The following LRRC4C variants were observed in gnomAD, a reference collection of about 807,000 sequenced individuals.
LRRC4C encodes leucine rich repeat containing 4C, also known as leucine-rich repeat-containing protein 4C.
Under a neutral mutation model 33.6 loss-of-function variants are expected in LRRC4C, and 5 were observed. That is an observed-to-expected ratio of 0.15 (90% CI 0.08 to 0.31). The LOEUF is 0.31. Ranked by LOEUF, LRRC4C falls within the 10% of genes least tolerant of loss-of-function variation. The pLI is 1.00. For synonymous variants in LRRC4C, 329 were observed against 302.0 expected (o/e 1.09, Z -0.93); for missense variants, 560 against 796.7 (o/e 0.70, Z 3.58).
chr11:40,322,271 A>G (rs1945886971), intron 3 of LRRC4C, among the ~76,000 whole-genome samples: 1 of 151,942 alleles, frequency 6.6e-6, no homozygotes, highest in Non-Finnish European at 1.5e-5. Context: ...TCTGAGACAG[A>G]GTCTTACTCT....
At chr11:40,753,536 G>A (rs1326625963) in intron 2 of LRRC4C, among the ~76,000 whole-genome samples, 2 of 142,822 alleles carry the variant, frequency 1.4e-5, no homozygotes, top group Admixed American at 7.4e-5. Flanking sequence ...AGTTCACAGA[G>A]GCACTTTTTT....
In LRRC4C at chr11:40,882,261, T is replaced by C. The variant is rs189587877; in HGVS notation, c.-407+51374A>G. On this transcript the variant is annotated intron_variant, in intron 2 of 6. Coordinates refer to ENST00000528697, the MANE Select transcript of LRRC4C (RefSeq NM_001258419.2). ...TCATGTTATTTCTAGCTTAATCTTT[T>C]AATAGTTCCCTATGGATACAGTGAT... 1.4e-3 allele frequency among the ~76,000 whole-genome samples: 216 copies of C among 152,186 alleles called. 1 individual carries two copies. The highest frequency in any genetic ancestry group is 4.3e-3 in the Admixed American group (65 of 15,254).
intron 1 of LRRC4C, among the ~76,000 whole-genome samples, chr11:41,193,821 TA>T (rs1946066964): frequency 6.6e-6 from 1 of 151,962 alleles, no homozygotes; most frequent in Admixed American, 6.6e-5. Flanking sequence ...TTTTTAACCA[TA>T]TGGACCCTTC....
intron 1 of LRRC4C, among the ~76,000 whole-genome samples, chr11:40,994,481 C>G (rs1250975779): frequency 6.6e-6 from 1 of 152,034 alleles, no homozygotes; most frequent in Non-Finnish European, 1.5e-5. Flanking sequence ...TGACGGTGAT[C>G]CTTTCAGAAT....
At chr11:40,194,783 T>C (rs1862118903) in intron 5 of LRRC4C, among the ~76,000 whole-genome samples, 1 of 151,988 alleles carries the variant, frequency 6.6e-6, no homozygotes, top group Non-Finnish European at 1.5e-5. Flanking sequence ...AAAAAATCTA[T>C]AGATTATTAA....
intron 2 of LRRC4C, among the ~76,000 whole-genome samples, chr11:40,857,745 T>C (rs976924844): frequency 2.0e-5 from 3 of 151,948 alleles, no homozygotes; most frequent in Non-Finnish European, 4.4e-5. Context: ...CAAATCCCTG[T>C]CTTTACAAGA....
chr11:40,404,563 C>T (rs895307936), intron 3 of LRRC4C, among the ~76,000 whole-genome samples: 1 of 151,990 alleles, frequency 6.6e-6, no homozygotes, highest in African/African-American at 2.4e-5. Flanking sequence ...GACTCCTCTG[C>T]CTGTATTCTA....
chr11:40,564,526 G>A (rs1411026880), intron 3 of LRRC4C, among the ~76,000 whole-genome samples: 1 of 152,128 alleles, frequency 6.6e-6, no homozygotes. Flanking sequence ...GTGGACACAG[G>A]GCTGCCCTTT....
chr11:40,765,119 G>A (rs1949389444), intron 2 of LRRC4C, among the ~76,000 whole-genome samples: 1 of 152,188 alleles, frequency 6.6e-6, no homozygotes, highest in African/African-American at 2.4e-5. Context: ...GCTGCAAAGT[G>A]ATATGGTTTA....
chr11:40,307,564 A>G (rs916249966), intron 4 of LRRC4C, among the ~76,000 whole-genome samples: 15 of 152,186 alleles, frequency 9.9e-5, no homozygotes, highest in Non-Finnish European at 2.1e-4. Context: ...TTTTTGTTCA[A>G]TCACGACCTT....
chr11:40,559,100 C>T (rs1201369982), intron 3 of LRRC4C, among the ~76,000 whole-genome samples: 1 of 151,392 alleles, frequency 6.6e-6, no homozygotes, highest in Non-Finnish European at 1.5e-5. Flanking sequence ...CTTGTCTAAT[C>T]TCTTATTGAT....
At chr11:40,312,116 C>A (rs1197331387) in intron 4 of LRRC4C, among the ~76,000 whole-genome samples, 1 of 152,142 alleles carries the variant, frequency 6.6e-6, no homozygotes, top group African/African-American at 2.4e-5. Context: ...GGAGTTCTAA[C>A]TCACCAACTC....
At position 41,431,723 on chromosome 11, in the gene LRRC4C, A is replaced by G. The variant is rs543549410; in HGVS notation, c.-496+27708T>C. Among the ~76,000 whole-genome samples, 9 of 152,196 alleles carry G rather than the reference A, an allele frequency of 5.9e-5. No homozygotes were observed. In the South Asian group the frequency reaches 1.9e-3, roughly 32 times the overall value. ...AGAGCTTCTCTTGAGGACTGATAGA[A>G]CTACCGCCGACAATATTAAGACACA... On this transcript the variant is annotated intron_variant, in intron 1 of 6. Coordinates refer to ENST00000528697, the MANE Select transcript of LRRC4C (RefSeq NM_001258419.2).
At chr11:40,501,644 C>A (rs1419818740) in intron 3 of LRRC4C, among the ~76,000 whole-genome samples, 2 of 152,098 alleles carry the variant, frequency 1.3e-5, no homozygotes, top group Non-Finnish European at 2.9e-5. Flanking sequence ...GGAAGCAGGG[C>A]ACCAAGTCCC....
intron 2 of LRRC4C, among the ~76,000 whole-genome samples, chr11:40,782,983 G>A (rs1950273761): frequency 6.6e-6 from 1 of 151,942 alleles, no homozygotes; most frequent in Non-Finnish European, 1.5e-5. Context: ...CCACCACTTG[G>A]CTAGTGCCAT....
intron 2 of LRRC4C, among the ~76,000 whole-genome samples, chr11:40,782,856 A>G (rs1443668848): frequency 6.6e-6 from 1 of 152,106 alleles, no homozygotes; most frequent in Admixed American, 6.6e-5. Flanking sequence ...ATACAGATGT[A>G]CACACATGTG....
intron 1 of LRRC4C, among the ~76,000 whole-genome samples, chr11:41,046,428 G>A (rs756209344): frequency 6.6e-6 from 1 of 152,138 alleles, no homozygotes; most frequent in Non-Finnish European, 1.5e-5. Flanking sequence ...AGAGACCACA[G>A]ATGTGCTATG....
At chr11:41,293,722 C>T (rs1316301708) in intron 1 of LRRC4C, among the ~76,000 whole-genome samples, 1 of 152,068 alleles carries the variant, frequency 6.6e-6, no homozygotes, top group Non-Finnish European at 1.5e-5. Flanking sequence ...CTCAGCCTCC[C>T]GAGTAGCTGG....
intron 1 of LRRC4C, among the ~76,000 whole-genome samples, chr11:41,430,665 T>A (rs1392264472): frequency 6.6e-6 from 1 of 152,152 alleles, no homozygotes; most frequent in Non-Finnish European, 1.5e-5. Context: ...AATTTTGTTT[T>A]TATGTTCCTT....
Sources: gnomAD v4.1 joint callset for allele counts (sites outside exome capture counted in the v4.1 genomes callset) on GRCh38, gnomAD v4.1.1 for gene constraint, MANE v1.5 for transcripts, NCBI Gene and HGNC (gene_info 2026-07-23, HGNC 2026-07-21) for gene names.